Variants in CLASP1 observed in about 807,000 individuals in gnomAD.
CLASP1 encodes the protein CLIP-associating protein 1.
Under a neutral mutation model 192.3 loss-of-function variants are expected in CLASP1, and 38 were observed. That is an observed-to-expected ratio of 0.20 (90% confidence interval 0.15 to 0.26). The LOEUF is 0.26. CLASP1 is among the 10% of genes least tolerant of loss of function. The probability of loss-of-function intolerance (pLI) is 1.00; values close to 1 mark genes in which losing one functional copy is unlikely to be tolerated. For synonymous variants in CLASP1, 691 were observed against 712.8 expected (o/e 0.97, Z 0.49); for missense variants, 1,433 against 1,932.5 (o/e 0.74, Z 4.85).
intron 2 of CLASP1, among the ~76,000 whole-genome samples, chr2:121,546,360 G>A (rs1156669659): frequency 6.6e-6 from 1 of 151,408 alleles, no homozygotes; most frequent in Non-Finnish European, 1.5e-5. Context: ...AGCATCTAGT[G>A]TGCGCAGCTC....
chr2:121,509,443 G>A (rs540700839), intron 7 of CLASP1, among the ~76,000 whole-genome samples: 1 of 152,124 alleles, frequency 6.6e-6, no homozygotes, highest in Non-Finnish European at 1.5e-5. Flanking sequence ...CAAAGGGATG[G>A]GATTACAGGC....
At chr2:121,431,683 G>A (rs13031953) in intron 19 of CLASP1, among the ~76,000 whole-genome samples, 19,546 of 150,522 alleles carry the variant, frequency 0.13, 1,721 homozygotes, top group African/African-American at 0.24. Flanking sequence ...TAAACCTCTC[G>A]TATTCTACTT....
intron 1 of CLASP1, among the ~76,000 whole-genome samples, chr2:121,628,210 T>G (rs938301946): frequency 1.3e-5 from 2 of 152,204 alleles, no homozygotes; most frequent in Non-Finnish European, 2.9e-5. Context: ...ACAATGTTAG[T>G]ATAAACTGGG....
chr2:121,400,405 A>T (rs2075988578), intron 28 of CLASP1, among the ~76,000 whole-genome samples: 1 of 152,190 alleles, frequency 6.6e-6, no homozygotes, highest in South Asian at 2.1e-4. Context: ...GCATACTTTG[A>T]AGTCAGAGTC....
rs2094387014 is a variant in CLASP1 at position 121,518,728 on chromosome 2, T to G, written c.547-2966A>C. ...ACTAAAAATACAAAAAAAAAAAACT[T>G]TAGCTGGGCATGGCGGCGAGCGCCT... On this transcript the variant is annotated intron_variant, in intron 6 of 39. Coordinates refer to ENST00000263710, the Ensembl canonical transcript of CLASP1. Among the ~76,000 whole-genome samples, 5 of 151,846 alleles carry G rather than the reference T, an allele frequency of 3.3e-5. No homozygotes were observed. The South Asian group carries it at 1.0e-3, about 32-fold the overall frequency.
At chr2:121,370,812 C>A (rs1322447652) in intron 34 of CLASP1, among the ~76,000 whole-genome samples, 4 of 152,174 alleles carry the variant, frequency 2.6e-5, no homozygotes, top group African/African-American at 7.2e-5. Context: ...CCAGGCCTTG[C>A]CCTCTTTATT....
chr2:121,393,912 A>G (rs1268167648), intron 30 of CLASP1, among the ~76,000 whole-genome samples: 3 of 152,034 alleles, frequency 2.0e-5, no homozygotes, highest in African/African-American at 2.4e-5. Flanking sequence ...GAATACAGAC[A>G]TGCATCTGCT....
intron 20 of CLASP1, among the ~76,000 whole-genome samples, chr2:121,429,320 G>A (rs2080977338): frequency 6.6e-6 from 1 of 152,140 alleles, no homozygotes; most frequent in African/African-American, 2.4e-5. Flanking sequence ...CAGCTCCTGG[G>A]GACAGGAAGA....
At chr2:121,603,764 C>G (rs72972757) in intron 2 of CLASP1, among the ~76,000 whole-genome samples, 5,893 of 152,258 alleles carry the variant, frequency 0.039, 162 homozygotes, top group East Asian at 0.14. Context: ...CCGTCCTTCA[C>G]AGCAACATGG....
chr2:121,345,750 G>A (rs1485589210), intron 39 of CLASP1, among the ~76,000 whole-genome samples: 1 of 152,212 alleles, frequency 6.6e-6, no homozygotes, highest in Non-Finnish European at 1.5e-5. Flanking sequence ...GCTGATTCCT[G>A]TTTACAAAAA....
chr2:121,514,876 A>G (rs2150344251), intron 7 of CLASP1, among the ~76,000 whole-genome samples: 1 of 152,322 alleles, frequency 6.6e-6, no homozygotes, highest in Non-Finnish European at 1.5e-5. Context: ...CTCTCTTAGT[A>G]GCTGTGTAAT....
At chr2:121,436,310 C>T (rs566672220) in intron 19 of CLASP1, among the ~76,000 whole-genome samples, 2 of 151,674 alleles carry the variant, frequency 1.3e-5, no homozygotes, top group East Asian at 3.9e-4. Flanking sequence ...GGGATTAAGG[C>T]GTGAGCCACC....
At chr2:121,548,692 T>C (rs1214287171) in intron 2 of CLASP1, among the ~76,000 whole-genome samples, 2 of 152,040 alleles carry the variant, frequency 1.3e-5, no homozygotes, top group Non-Finnish European at 2.9e-5. Context: ...AAGGGAACCC[T>C]GTCAGGCTTA....
intron 1 of CLASP1, among the ~76,000 whole-genome samples, chr2:121,622,363 G>T (rs560284113): frequency 6.6e-6 from 1 of 151,812 alleles, no homozygotes; most frequent in South Asian, 2.1e-4. Flanking sequence ...TTGAATTCAG[G>T]AGTTTGAGAC....
At chr2:121,463,599 G>C (rs74528261) in intron 9 of CLASP1, among the ~76,000 whole-genome samples, 7,878 of 152,182 alleles carry the variant, frequency 0.052, 691 homozygotes, top group African/African-American at 0.18. Context: ...CCTACACCAT[G>C]TACCCACATA....
intron 2 of CLASP1, among the ~76,000 whole-genome samples, chr2:121,583,014 G>C (rs771034200): frequency 3.0e-4 from 45 of 151,920 alleles, no homozygotes; most frequent in Non-Finnish European, 4.7e-4. Context: ...TCAAACTCCT[G>C]ACCTCAAGTG....
chr2:121,390,012 T>C (rs538127876), intron 30 of CLASP1, among the ~76,000 whole-genome samples: 1 of 152,200 alleles, frequency 6.6e-6, no homozygotes, highest in Non-Finnish European at 1.5e-5. Context: ...GTAGCTGGGA[T>C]TATAGGCATA....
intron 34 of CLASP1, among the ~76,000 whole-genome samples, chr2:121,369,434 T>C (rs932618414): frequency 5.9e-5 from 9 of 152,198 alleles, no homozygotes; most frequent in African/African-American, 2.2e-4. Flanking sequence ...ATAAGTCTTC[T>C]AAAAATACCA....
At chr2:121,490,376 C>A in intron 8 of CLASP1, 1 of 433,226 alleles carries the variant, frequency 2.3e-6, no homozygotes, top group African/African-American at 2.0e-5. Flanking sequence ...AAACTCTCCA[C>A]CCACACTTGT....
Sources: gnomAD v4.1 joint callset for allele counts (sites outside exome capture counted in the v4.1 genomes callset) on GRCh38, gnomAD v4.1.1 for gene constraint, MANE v1.5 for transcripts, NCBI Gene and HGNC (gene_info 2026-07-23, HGNC 2026-07-21) for gene names.